The following PRKG1 variants were observed in gnomAD, a reference collection of about 807,000 sequenced individuals.
PRKG1 encodes cGMP-dependent protein kinase 1.
Under a neutral mutation model 88.1 loss-of-function variants are expected in PRKG1, and 35 were observed. The ratio of observed to expected loss-of-function variants is 0.40; its 90% CI spans 0.30 to 0.53. PRKG1 has a LOEUF of 0.53. Ranked by LOEUF, PRKG1 falls within the 20% of genes least tolerant of loss-of-function variation. The pLI, the probability that PRKG1 is intolerant of heterozygous loss-of-function variation, is 0.59. For missense variants in PRKG1, 540 were observed against 839.8 expected (o/e 0.64, Z 4.41); for synonymous variants, 303 against 292.5 (o/e 1.04, Z -0.37).
intron 3 of PRKG1, among the ~76,000 whole-genome samples, chr10:51,516,847 G>T (rs562833151): frequency 1.3e-5 from 2 of 152,130 alleles, no homozygotes; most frequent in African/African-American, 4.8e-5. Flanking sequence ...TTGTACATTC[G>T]TTGAGCTTAT....
In PRKG1 at chr10:51,671,590, C is replaced by CTCT. The variant is rs1554830684; in HGVS notation, c.593-132994_593-132993insCTT. Among the ~76,000 whole-genome samples, 412 of 141,770 alleles carry CTCT rather than the reference C, an allele frequency of 2.9e-3. 4 individuals are homozygous for CTCT. Among genetic ancestry groups the CTCT allele is most frequent in the African/African-American group, 0.01 (393 of 38,396 alleles). The allele number at this position is 141,770 out of a possible 152,430, so 93.0% of individuals were successfully genotyped here. A position where few individuals can be genotyped will look rare whatever the true frequency, so the allele number is the denominator to read the frequency against. On this transcript the variant is annotated intron_variant, in intron 3 of 17. Transcript: ENST00000373980. ...CCTCTTCTTCTCTCTCTCTCTCTCT[C>CTCT]TTTTTTTTTTTTTTGAGATGGAGTC...
intron 2 of PRKG1, among the ~76,000 whole-genome samples, chr10:51,466,275 A>G (rs1839902444): frequency 6.6e-6 from 1 of 152,136 alleles, no homozygotes; most frequent in African/African-American, 2.4e-5. Context: ...TTTCTTTCCT[A>G]CAGTCAAGAA....
intron 2 of PRKG1, among the ~76,000 whole-genome samples, chr10:51,451,197 TCTA>T (rs1374585618): frequency 6.6e-6 from 1 of 151,928 alleles, no homozygotes. Context: ...TAACAGTATG[TCTA>T]ATAACTACCA....
chr10:51,700,666 G>A (rs949419171), intron 3 of PRKG1, among the ~76,000 whole-genome samples: 1 of 152,158 alleles, frequency 6.6e-6, no homozygotes, highest in Non-Finnish European at 1.5e-5. Flanking sequence ...GGCCAAGTCA[G>A]GATTCTAACC....
intron 2 of PRKG1, among the ~76,000 whole-genome samples, chr10:51,442,571 C>T (rs999675301): frequency 1.3e-5 from 2 of 151,922 alleles, no homozygotes; most frequent in African/African-American, 4.8e-5. Context: ...TCTGAAGATA[C>T]ATTTTTAATG....
intron 3 of PRKG1, among the ~76,000 whole-genome samples, chr10:51,604,205 A>G (rs1838694219): frequency 6.6e-6 from 1 of 151,842 alleles, no homozygotes; most frequent in African/African-American, 2.4e-5. Context: ...CCAAGCCTTT[A>G]AAAGAGCTGT....
intron 5 of PRKG1, among the ~76,000 whole-genome samples, chr10:51,972,495 G>A (rs952779643): frequency 2.0e-5 from 3 of 152,100 alleles, no homozygotes; most frequent in Non-Finnish European, 4.4e-5. Flanking sequence ...GCTAAGAAGT[G>A]TACCAATTTA....
At chr10:52,138,539 G>T (rs1837489600) in intron 8 of PRKG1, among the ~76,000 whole-genome samples, 1 of 151,940 alleles carries the variant, frequency 6.6e-6, no homozygotes, top group African/African-American at 2.4e-5. Context: ...TGAGGCCCTT[G>T]TGGGACCCTA....
rs533782167 is a variant in PRKG1, at chr10:52,217,042, G to T, written c.1077-34528G>T. ...CCACTTCCTGTCTGATGGTGATGCG[G>T]AAAAACAGCTGTTGTGTGGGAACTG... On this transcript the variant is annotated intron_variant, in intron 9 of 17. Coordinates refer to ENST00000373980, the MANE Select transcript of PRKG1 (RefSeq NM_006258.4). 3.9e-5 allele frequency among the ~76,000 whole-genome samples: 6 copies of T among 152,182 alleles called. No homozygotes were observed. In the East Asian group the frequency reaches 5.8e-4, roughly 15 times the overall value.
chr10:51,054,947 TATA>T lies in PRKG1; in HGVS notation c.266+63311_266+63313del, dbSNP rs532627845. ...CTTCACACTCATATGTATAAGGCAC[TATA>T]ATAATAAGAGCTCAGTAAATGCCAA... On this transcript the variant is annotated intron_variant, in intron 1 of 17. Transcript: ENST00000401604. 2.8e-3 allele frequency among the ~76,000 whole-genome samples: 430 copies of T among 152,344 alleles called. 1 individual carries two copies. The highest frequency in any genetic ancestry group is 9.8e-3 in the African/African-American group (407 of 41,580).
intron 3 of PRKG1, among the ~76,000 whole-genome samples, chr10:51,653,911 G>C (rs555739920): frequency 6.6e-6 from 1 of 152,232 alleles, no homozygotes; most frequent in South Asian, 2.1e-4. Flanking sequence ...TTCTTGCTAA[G>C]GTTGAGTTCC....
At chr10:51,535,177 A>G (rs1053936280) in intron 3 of PRKG1, among the ~76,000 whole-genome samples, 1 of 152,166 alleles carries the variant, frequency 6.6e-6, no homozygotes, top group African/African-American at 2.4e-5. Context: ...TACTGATACA[A>G]TTGGTCTTTT....
intron 1 of PRKG1, among the ~76,000 whole-genome samples, chr10:51,065,421 T>G (rs1460170544): frequency 6.6e-6 from 1 of 151,524 alleles, no homozygotes; most frequent in Non-Finnish European, 1.5e-5. Context: ...AAAATCAGAG[T>G]GACAGGAAGA....
chr10:52,072,026 G>T (rs1364981741), intron 7 of PRKG1, among the ~76,000 whole-genome samples: 1 of 151,906 alleles, frequency 6.6e-6, no homozygotes, highest in Non-Finnish European at 1.5e-5. Context: ...AGTCCCAGTC[G>T]CCCTCTCCCG....
chr10:51,596,342 CCTTCTTCTCAATATCTTAT>C (rs1234797818), intron 3 of PRKG1, among the ~76,000 whole-genome samples: 2 of 152,108 alleles, frequency 1.3e-5, no homozygotes, highest in African/African-American at 4.8e-5. Flanking sequence ...TATGGTATCA[CCTTCTTCTCAATATCTTAT>C]CTTCTTCCTA....
At chr10:51,066,104 T>A (rs746269186) in intron 1 of PRKG1, among the ~76,000 whole-genome samples, 15 of 152,034 alleles carry the variant, frequency 9.9e-5, no homozygotes, top group Admixed American at 3.9e-4. Context: ...GAATTCCCAT[T>A]GGAAGCTATG....
intron 1 of PRKG1, among the ~76,000 whole-genome samples, chr10:51,030,711 C>T (rs1355427915): frequency 6.6e-6 from 1 of 152,004 alleles, no homozygotes; most frequent in Non-Finnish European, 1.5e-5. Flanking sequence ...TCTATTAGGT[C>T]ATGCCAGAGC....
intron 4 of PRKG1, among the ~76,000 whole-genome samples, chr10:51,904,486 T>C (rs1842044596): frequency 6.6e-6 from 1 of 152,138 alleles, no homozygotes; most frequent in Admixed American, 6.6e-5. Context: ...GTGTGTATGC[T>C]ACTAGTAGAC....
At chr10:51,510,601 T>A (rs1404811067) in intron 3 of PRKG1, among the ~76,000 whole-genome samples, 1 of 152,208 alleles carries the variant, frequency 6.6e-6, no homozygotes, top group Admixed American at 6.5e-5. Flanking sequence ...TTTGAGAATA[T>A]TGTACATTTT....
Sources: allele counts gnomAD v4.1 joint callset (sites outside exome capture counted in the v4.1 genomes callset), GRCh38; gene constraint gnomAD v4.1.1; transcripts MANE v1.5; gene names NCBI Gene and HGNC (gene_info 2026-07-23, HGNC 2026-07-21).